Variants in FRMPD2 observed in about 807,000 individuals in gnomAD.
FRMPD2 encodes FERM and PDZ domain-containing protein 2.
A neutral mutation model predicts 140.1 loss-of-function variants in FRMPD2; 96 were observed. That is an observed-to-expected ratio of 0.69 (90% confidence interval 0.58 to 0.81). The LOEUF is 0.81. Ranked by LOEUF, FRMPD2 falls within the 40% of genes least tolerant of loss-of-function variation. The pLI is 0.00. For missense variants in FRMPD2, 1,240 were observed against 1,447.4 expected (o/e 0.86, Z 2.32); for synonymous variants, 449 against 547.6 (o/e 0.82, Z 2.52).
At chr10:48,250,185 G>A (rs185365078) in intron 2 of FRMPD2, among the ~76,000 whole-genome samples, 36 of 152,248 alleles carry the variant, frequency 2.4e-4, no homozygotes, top group Admixed American at 1.8e-3. Context: ...CCTGCAGTGC[G>A]TGCTCCCTAC....
intron 12 of FRMPD2, among the ~76,000 whole-genome samples, chr10:48,221,473 T>TG (rs1839584765): frequency 6.6e-6 from 1 of 152,178 alleles, no homozygotes; most frequent in South Asian, 2.1e-4. Flanking sequence ...GACTACATGT[T>TG]GGGTGCAGTG....
chr10:48,251,406 C>T (rs1588855564), intron 2 of FRMPD2, among the ~76,000 whole-genome samples, 160 bp downstream of exon 2: 1 of 152,250 alleles, frequency 6.6e-6, no homozygotes, highest in Non-Finnish European at 1.5e-5. Flanking sequence ...TTCTTCTACT[C>T]ATTCTAATAC....
At chr10:48,251,303 G>C (rs902200542) in intron 2 of FRMPD2, among the ~76,000 whole-genome samples, 2 of 152,226 alleles carry the variant, frequency 1.3e-5, no homozygotes, top group Non-Finnish European at 2.9e-5. Context: ...GCAACACCAA[G>C]GCAGAAGCAA....
chr10:48,195,636 G>C (rs1330862690), intron 15 of FRMPD2, among the ~76,000 whole-genome samples: 2 of 152,090 alleles, frequency 1.3e-5, no homozygotes, highest in African/African-American at 4.8e-5. Context: ...CTGAGATCTA[G>C]CTAAAAGAAA....
intron 9 of FRMPD2, among the ~76,000 whole-genome samples, chr10:48,233,008 T>C (rs1839886551): frequency 6.6e-6 from 1 of 152,164 alleles, no homozygotes; most frequent in Non-Finnish European, 1.5e-5. Context: ...TCCCTCCCCA[T>C]GTGGCAAACT....
At chr10:48,225,650 A>G (rs1276013852) in intron 10 of FRMPD2, among the ~76,000 whole-genome samples, 1 of 152,228 alleles carries the variant, frequency 6.6e-6, no homozygotes, top group African/African-American at 2.4e-5. Flanking sequence ...ATTCCAGAAT[A>G]AACTCTTTCT....
intron 12 of FRMPD2, among the ~76,000 whole-genome samples, chr10:48,220,800 A>G (rs892640289): frequency 2.6e-5 from 4 of 152,380 alleles, no homozygotes; most frequent in African/African-American, 4.8e-5. Flanking sequence ...ACAATTCTCA[A>G]AAGAAGATAT....
Position 48,222,366 on chromosome 10 carries a change from G to T in FRMPD2, c.1402C>A (p.Leu468Met). ...ERLYCNEEIL[L>M]QLGVLALQAE... ...TGCAAGGCAAGGACCCCCAGCTGCA[G>T]CAGTATCTCTTCATTGCAGTACAGC... The change falls in exon 12 of 29, where the codon CTG (leucine) becomes ATG (methionine). Residue 468 changes from leucine to methionine, a missense_variant. Around this residue, in one of 6 missense-constraint regions of FRMPD2, gnomAD observed 1,161 missense variants for 1,055.9 expected, o/e 1.10. Coordinates refer to ENST00000374201, the MANE Select transcript of FRMPD2 (RefSeq NM_001018071.4). The T allele has an allele frequency of 6.2e-7, 1 of 1,614,188 alleles. No homozygotes were observed. The highest frequency in any genetic ancestry group is 1.3e-5 in the African/African-American group (1 of 75,056).
intron 17 of FRMPD2, among the ~76,000 whole-genome samples, 163 bp from the exon 18 acceptor site, chr10:48,185,808 G>T (rs1000515098): frequency 6.6e-6 from 1 of 152,174 alleles, no homozygotes; most frequent in Non-Finnish European, 1.5e-5. Context: ...CAGCAGTGCT[G>T]GGAATGGACA....
At chr10:48,257,931 T>C (rs1840518322) in intron 1 of FRMPD2, among the ~76,000 whole-genome samples, 1 of 152,244 alleles carries the variant, frequency 6.6e-6, no homozygotes, top group Admixed American at 6.5e-5. Flanking sequence ...ATTTTTAAGA[T>C]ATGGTGTTAA....
chr10:48,271,220 G>A (rs1840761007), intron 1 of FRMPD2, among the ~76,000 whole-genome samples: 1 of 152,156 alleles, frequency 6.6e-6, no homozygotes, highest in Non-Finnish European at 1.5e-5. Flanking sequence ...TCCTTCTGCA[G>A]GCTCTGTGGG....
chr10:48,218,792 T>C (rs1839512447), intron 12 of FRMPD2, among the ~76,000 whole-genome samples: 1 of 152,196 alleles, frequency 6.6e-6, no homozygotes, highest in African/African-American at 2.4e-5. Context: ...CCTACTGACA[T>C]CATGTGAGTT....
chr10:48,198,706 A>G (rs1247566111), intron 15 of FRMPD2, among the ~76,000 whole-genome samples: 6 of 152,238 alleles, frequency 3.9e-5, no homozygotes, highest in Non-Finnish European at 8.8e-5. Context: ...CTTCCAATCC[A>G]TAAGCATAGA....
chr10:48,203,631 G>C (rs1236358923), intron 14 of FRMPD2, among the ~76,000 whole-genome samples: 1 of 151,596 alleles, frequency 6.6e-6, no homozygotes, highest in Non-Finnish European at 1.5e-5. Context: ...TTTTTCTGTT[G>C]CTATTTGTTC....
intron 1 of FRMPD2, among the ~76,000 whole-genome samples, chr10:48,261,328 T>C (rs78772225): frequency 0.011 from 1,657 of 151,570 alleles, 34 homozygotes; most frequent in African/African-American, 0.038. Context: ...AAAAAACACA[T>C]GTAACCCTAA....
chr10:48,163,707 G>T, intron 27 of FRMPD2, 36 bp from the exon 28 acceptor site: 2 of 1,451,414 alleles, frequency 1.4e-6, no homozygotes, highest in Non-Finnish European at 1.9e-6. Context: ...CTGGCTGCGG[G>T]ATGCACATTG....
At chr10:48,221,812 G>A (rs1392827331) in intron 12 of FRMPD2, among the ~76,000 whole-genome samples, 3 of 152,168 alleles carry the variant, frequency 2.0e-5, no homozygotes, top group Non-Finnish European at 4.4e-5. Context: ...CTTTCTGGAT[G>A]AATAGGTGGA....
chr10:48,252,085 G>A (rs531634667), intron 1 of FRMPD2, among the ~76,000 whole-genome samples: 6 of 152,236 alleles, frequency 3.9e-5, no homozygotes, highest in African/African-American at 1.4e-4. Flanking sequence ...CTCTGGAGAA[G>A]TTAGCTAACA....
At chr10:48,267,655 G>C (rs1840701272) in intron 1 of FRMPD2, among the ~76,000 whole-genome samples, 1 of 152,130 alleles carries the variant, frequency 6.6e-6, no homozygotes, top group African/African-American at 2.4e-5. Flanking sequence ...TTCAAAATGG[G>C]CAAAGGACTC....
Sources: gnomAD v4.1 joint callset for allele counts (sites outside exome capture counted in the v4.1 genomes callset) on GRCh38, gnomAD v4.1.1 for gene constraint, gnomAD v4.1.1 regional missense constraint, MANE v1.5 for transcripts, NCBI Gene and HGNC (gene_info 2026-07-23, HGNC 2026-07-21) for gene names.